Variants in CNTN4 observed in about 807,000 individuals in gnomAD.
CNTN4 encodes contactin-4.
In CNTN4, 77 loss-of-function variants were observed where a neutral mutation model predicts 122.5. The observed-to-expected ratio is 0.63, with a 90% CI of 0.52 to 0.76. CNTN4 has a LOEUF of 0.76. CNTN4 is among the 30% of genes least tolerant of loss of function. The pLI, the probability that CNTN4 is intolerant of heterozygous loss-of-function variation, is 0.00. For synonymous variants in CNTN4, 512 were observed against 447.0 expected, an observed-to-expected ratio of 1.15 and a Z score of -1.83; for missense variants, 1,256 against 1,259.1, an observed-to-expected ratio of 1.00 and a Z score of 0.04.
intron 2 of CNTN4, among the ~76,000 whole-genome samples, chr3:2,174,275 A>G (rs1410403414): frequency 6.6e-6 from 1 of 152,192 alleles, no homozygotes; most frequent in African/African-American, 2.4e-5. Flanking sequence ...GGAGGTGTAT[A>G]AGAAAACTAA....
At chr3:2,703,860 C>T (rs2086496271) in intron 4 of CNTN4, among the ~76,000 whole-genome samples, 1 of 151,812 alleles carries the variant, frequency 6.6e-6, no homozygotes, top group Non-Finnish European at 1.5e-5. Context: ...AAGTATTACA[C>T]TACAAAATGT....
chr3:2,454,755 A>G (rs2151385579), intron 3 of CNTN4, among the ~76,000 whole-genome samples: 1 of 151,294 alleles, frequency 6.6e-6, no homozygotes, highest in South Asian at 2.1e-4. Flanking sequence ...CCTCTAGGAT[A>G]CCTTTCATAT....
chr3:2,587,677 A>T (rs1487515603), intron 4 of CNTN4, among the ~76,000 whole-genome samples: 1 of 152,210 alleles, frequency 6.6e-6, no homozygotes, highest in Non-Finnish European at 1.5e-5. Flanking sequence ...ATTTAAGAAG[A>T]TTATCAATGG....
At chr3:3,046,701 T>C (rs1293677259) in intron 23 of CNTN4, among the ~76,000 whole-genome samples, 1 of 152,122 alleles carries the variant, frequency 6.6e-6, no homozygotes, top group Non-Finnish European at 1.5e-5. Flanking sequence ...CCATTGATGC[T>C]AGGAAGAAAC....
intron 3 of CNTN4, among the ~76,000 whole-genome samples, chr3:2,557,065 A>G (rs1406839288): frequency 2.6e-5 from 4 of 152,226 alleles, no homozygotes; most frequent in East Asian, 1.9e-4. Context: ...CCTTTGCCAG[A>G]TCTCTGAAAT....
intron 2 of CNTN4, among the ~76,000 whole-genome samples, chr3:2,237,459 C>G (rs954893451): frequency 6.6e-6 from 1 of 151,926 alleles, no homozygotes; most frequent in Non-Finnish European, 1.5e-5. Context: ...AGCGACAGAG[C>G]AAGACACTGT....
chr3:2,231,362 A>C (rs1265848847), intron 2 of CNTN4, among the ~76,000 whole-genome samples: 2 of 152,174 alleles, frequency 1.3e-5, no homozygotes, highest in Non-Finnish European at 2.9e-5. Context: ...AAATTTCCCT[A>C]ATCCATCCCC....
intron 3 of CNTN4, among the ~76,000 whole-genome samples, chr3:2,460,917 T>C (rs2151430850): frequency 6.6e-6 from 1 of 152,258 alleles, no homozygotes; most frequent in South Asian, 2.1e-4. Flanking sequence ...AGCTTCCAGT[T>C]ATGGAAGACG....
chr3:2,297,060 A>G (rs2042340801), intron 2 of CNTN4, among the ~76,000 whole-genome samples: 2 of 152,196 alleles, frequency 1.3e-5, no homozygotes, highest in South Asian at 4.1e-4. Flanking sequence ...GAACTGGGGT[A>G]TTCTGACTAC....
intron 2 of CNTN4, among the ~76,000 whole-genome samples, chr3:2,260,072 A>G (rs927707739): frequency 1.3e-5 from 2 of 152,136 alleles, no homozygotes; most frequent in African/African-American, 4.8e-5. Context: ...GGCTACAATT[A>G]CAGTTTTGTA....
chr3:2,688,680 C>T (rs529969667), intron 4 of CNTN4, among the ~76,000 whole-genome samples: 3 of 152,210 alleles, frequency 2.0e-5, no homozygotes, highest in South Asian at 4.1e-4. Flanking sequence ...AGGTTAGAGG[C>T]GTGAATAGTC....
chr3:2,418,421 C>T (rs571561339), intron 3 of CNTN4, among the ~76,000 whole-genome samples: 1 of 152,220 alleles, frequency 6.6e-6, no homozygotes, highest in South Asian at 2.1e-4. Context: ...GGGTTCAAAA[C>T]GTAAAACTGC....
At chr3:2,523,604 G>C (rs1188071296) in intron 3 of CNTN4, among the ~76,000 whole-genome samples, 1 of 151,930 alleles carries the variant, frequency 6.6e-6, no homozygotes, top group Non-Finnish European at 1.5e-5. Context: ...CCTTGGCTTT[G>C]AACTTGAAAA....
rs903890024 is a variant in CNTN4, at chr3:2,427,930, C to T, written c.-89+88697C>T. ...TTTGTTTTCCATTTGCTTGGCAGAT[C>T]TTCCTCCATCCCTTTATTTTGAGCC... On this transcript the variant is annotated intron_variant, in intron 3 of 24. Coordinates refer to ENST00000418658, the MANE Select transcript of CNTN4 (RefSeq NM_175607.3). Among the ~76,000 whole-genome samples the T allele has an allele frequency of 4.6e-5, 7 of 151,988 alleles. No homozygotes were observed. In the South Asian group the frequency reaches 6.2e-4, roughly 14 times the overall value.
chr3:2,604,688 A>G (rs1176358557), intron 4 of CNTN4, among the ~76,000 whole-genome samples: 1 of 152,178 alleles, frequency 6.6e-6, no homozygotes, highest in Non-Finnish European at 1.5e-5. Flanking sequence ...TTATTGAGGT[A>G]TGATTTACAT....
chr3:2,642,418 C>T (rs1437981842), intron 4 of CNTN4, among the ~76,000 whole-genome samples: 1 of 152,100 alleles, frequency 6.6e-6, no homozygotes, highest in South Asian at 2.1e-4. Flanking sequence ...ACAGACATAC[C>T]CAGGAACAAT....
chr3:2,440,118 T>A (rs531783627), intron 3 of CNTN4, among the ~76,000 whole-genome samples: 18 of 152,346 alleles, frequency 1.2e-4, no homozygotes, highest in African/African-American at 3.4e-4. Context: ...TTCAGTCATT[T>A]GTCCACTGTC....
chr3:3,042,200 A>G (rs1700225642), intron 20 of CNTN4, 110 bp from the exon 21 acceptor site: 1 of 835,222 alleles, frequency 1.2e-6, no homozygotes, highest in African/African-American at 1.7e-5. Flanking sequence ...GCTTACAATC[A>G]TTAAGGACGA....
At chr3:2,800,202 A>C (rs1228947800) in intron 6 of CNTN4, among the ~76,000 whole-genome samples, 4 of 151,822 alleles carry the variant, frequency 2.6e-5, no homozygotes, top group African/African-American at 9.7e-5. Flanking sequence ...TTTGATAGGA[A>C]TTGCATTGAA....
Sources: allele counts gnomAD v4.1 joint callset (sites outside exome capture counted in the v4.1 genomes callset), GRCh38; gene constraint gnomAD v4.1.1; transcripts MANE v1.5; gene names NCBI Gene and HGNC (gene_info 2026-07-23, HGNC 2026-07-21).